SLC30A8: variants seen among roughly 807,000 people sequenced by gnomAD.
SLC30A8 encodes solute carrier family 30 member 8.
In SLC30A8, 27 loss-of-function variants were observed where a neutral mutation model predicts 36.9. That is an observed-to-expected ratio of 0.73 (90% CI 0.54 to 1.01). The LOEUF (loss-of-function observed/expected upper bound fraction) is 1.01, where lower values mean the gene tolerates loss of function less well. Ranked by LOEUF, SLC30A8 falls within the 50% of genes least tolerant of loss-of-function variation. The pLI is 0.00. For synonymous variants in SLC30A8, 164 were observed against 172.4 expected (o/e 0.95, Z 0.38); for missense variants, 439 against 452.0 (o/e 0.97, Z 0.26).
chr8:116,989,362 G>T (rs1368221392), intron 1 of SLC30A8, among the ~76,000 whole-genome samples: 1 of 152,110 alleles, frequency 6.6e-6, no homozygotes, highest in Non-Finnish European at 1.5e-5. Flanking sequence ...TCATAGTAAT[G>T]GGAGGCATTT....
intron 2 of SLC30A8, among the ~76,000 whole-genome samples, chr8:117,116,543 CAT>C (rs1820455150): frequency 6.6e-6 from 1 of 151,976 alleles, no homozygotes; most frequent in Non-Finnish European, 1.5e-5. Context: ...CTCCAAAAAA[CAT>C]ATCAGAATGC....
chr8:117,098,003 AATATATATTTATTTTAAATAAATATATT>A (rs1343898897), intron 2 of SLC30A8, among the ~76,000 whole-genome samples: 1 of 130,120 alleles, frequency 7.7e-6, no homozygotes, highest in African/African-American at 2.9e-5. Flanking sequence ...ATAAATATAT[AATATATATTTATTTTAAATAAATATATT>A]AAATAAATAT....
intron 2 of SLC30A8, among the ~76,000 whole-genome samples, chr8:117,106,728 T>C (rs1408012683): frequency 6.6e-6 from 1 of 152,148 alleles, no homozygotes; most frequent in East Asian, 1.9e-4. Flanking sequence ...CCACTTTGAC[T>C]CTAATTAACA....
At chr8:117,028,082 G>A (rs1473557753) in intron 1 of SLC30A8, among the ~76,000 whole-genome samples, 2 of 152,180 alleles carry the variant, frequency 1.3e-5, no homozygotes, top group Non-Finnish European at 2.9e-5. Flanking sequence ...GCTGCCGTGC[G>A]TTGGTCGACT....
chr8:117,027,557 C>T (rs1383112340), intron 1 of SLC30A8, among the ~76,000 whole-genome samples: 1 of 152,120 alleles, frequency 6.6e-6, no homozygotes, highest in Non-Finnish European at 1.5e-5. Flanking sequence ...TTGACTCCCA[C>T]AGTGCTAAGC....
At chr8:116,958,776 G>A (rs1045180100) in intron 1 of SLC30A8, among the ~76,000 whole-genome samples, 2 of 149,526 alleles carry the variant, frequency 1.3e-5, no homozygotes, top group Admixed American at 1.3e-4. Flanking sequence ...CTTTTCCTTG[G>A]AGAATCTACT....
chr8:117,015,339 C>T (rs57189827), intron 1 of SLC30A8, among the ~76,000 whole-genome samples: 1,541 of 152,198 alleles, frequency 0.01, 22 homozygotes, highest in African/African-American at 0.034. Flanking sequence ...TCCCTCTGCT[C>T]AGACACACAA....
At chr8:116,985,437 A>T (rs1307103945) in intron 1 of SLC30A8, among the ~76,000 whole-genome samples, 1 of 152,092 alleles carries the variant, frequency 6.6e-6, no homozygotes, top group Non-Finnish European at 1.5e-5. Flanking sequence ...CTGCAAGGAT[A>T]ATATATATAA....
intron 1 of SLC30A8, among the ~76,000 whole-genome samples, chr8:116,981,550 G>T (rs962268344): frequency 1.3e-5 from 2 of 152,148 alleles, no homozygotes; most frequent in African/African-American, 4.8e-5. Context: ...GTAGTTTTTC[G>T]ATCCTCCCAT....
rs370220737 is a variant in SLC30A8 at position 117,061,846 on chromosome 8, G to T, written c.-226+22588G>T. Among the ~76,000 whole-genome samples the T allele has an allele frequency of 9.8e-5, 15 of 152,296 alleles. No homozygotes were observed. The East Asian group carries it at 2.9e-3, about 29-fold the overall frequency. ...GCTGAGCAGGAAATCATGTGAGATA[G>T]CCAAGTAAGAGGGACAAGAAGAGAA... On this transcript the variant is annotated intron_variant, in intron 2 of 10. Coordinates refer to the SLC30A8 transcript ENST00000427715.
intron 1 of SLC30A8, among the ~76,000 whole-genome samples, chr8:116,952,803 T>C (rs1814040930): frequency 6.6e-6 from 1 of 152,156 alleles, no homozygotes; most frequent in South Asian, 2.1e-4. Context: ...AGCATCTTTG[T>C]TTTATAGATT....
chr8:117,006,262 T>C (rs1816168290), intron 1 of SLC30A8, among the ~76,000 whole-genome samples: 1 of 152,176 alleles, frequency 6.6e-6, no homozygotes, highest in Admixed American at 6.5e-5. Context: ...ATACAAAGTC[T>C]TGGGGGAGGC....
At chr8:117,059,673 G>T (rs759129111) in intron 2 of SLC30A8, among the ~76,000 whole-genome samples, 1 of 152,196 alleles carries the variant, frequency 6.6e-6, no homozygotes, top group Non-Finnish European at 1.5e-5. Flanking sequence ...ACGATAGATC[G>T]TAGTGGTGGA....
chr8:117,087,951 C>T (rs777877945), intron 2 of SLC30A8, among the ~76,000 whole-genome samples: 12 of 150,978 alleles, frequency 7.9e-5, no homozygotes, highest in Non-Finnish European at 1.6e-4. Flanking sequence ...AGAAAGTAGG[C>T]GGTGGGGGAG....
chr8:117,018,561 C>G (rs1437977583), intron 1 of SLC30A8, among the ~76,000 whole-genome samples: 1 of 151,892 alleles, frequency 6.6e-6, no homozygotes, highest in Non-Finnish European at 1.5e-5. Context: ...GATAGCACCA[C>G]TGTGTTGGAT....
intron 1 of SLC30A8, among the ~76,000 whole-genome samples, chr8:116,980,260 A>G (rs903207255): frequency 6.6e-6 from 1 of 152,190 alleles, no homozygotes; most frequent in Non-Finnish European, 1.5e-5. Context: ...TAAAAATAAT[A>G]CATATTTGTC....
intron 2 of SLC30A8, among the ~76,000 whole-genome samples, chr8:117,047,500 A>G (rs1817588612): frequency 1.3e-5 from 2 of 152,158 alleles, no homozygotes; most frequent in African/African-American, 4.8e-5. Context: ...TCTGAGGATT[A>G]TTATTGAGTA....
chr8:117,065,655 G>GT (rs1248406967), intron 2 of SLC30A8, among the ~76,000 whole-genome samples: 2 of 152,018 alleles, frequency 1.3e-5, no homozygotes, highest in African/African-American at 2.4e-5. Flanking sequence ...CAGCCATTTT[G>GT]TTTTTTGTGT....
At chr8:117,013,690 A>C (rs942776036) in intron 1 of SLC30A8, among the ~76,000 whole-genome samples, 1 of 152,130 alleles carries the variant, frequency 6.6e-6, no homozygotes, top group Non-Finnish European at 1.5e-5. Context: ...GGGAGTCTAA[A>C]GGGGCCAAAG....
Sources: allele counts gnomAD v4.1 joint callset (sites outside exome capture counted in the v4.1 genomes callset), GRCh38; gene constraint gnomAD v4.1.1; transcripts MANE v1.5; gene names NCBI Gene and HGNC (gene_info 2026-07-23, HGNC 2026-07-21).